Variants in KLF12 observed in about 807,000 individuals in gnomAD.
KLF12 encodes Krueppel-like factor 12.
Under a neutral mutation model 37.8 loss-of-function variants are expected in KLF12, and 9 were observed. The ratio of observed to expected loss-of-function variants is 0.24; its 90% CI spans 0.14 to 0.42. KLF12 has a LOEUF of 0.42. KLF12 is among the 10% of genes least tolerant of loss of function. The probability of loss-of-function intolerance (pLI) is 1.00; values close to 1 mark genes in which losing one functional copy is unlikely to be tolerated. For synonymous variants in KLF12, 208 were observed against 202.1 expected (o/e 1.03, Z -0.25); for missense variants, 411 against 516.0 (o/e 0.80, Z 1.97).
chr13:73,780,291 C>A (rs559640916), intron 5 of KLF12, among the ~76,000 whole-genome samples: 5 of 152,162 alleles, frequency 3.3e-5, no homozygotes, highest in African/African-American at 9.6e-5. Flanking sequence ...TTTGGTTGCA[C>A]GGAAAAGTTC....
the KLF12 span, among the ~76,000 whole-genome samples, chr13:74,235,710 G>C: frequency 1.3e-5 from 2 of 151,992 alleles, no homozygotes; most frequent in South Asian, 4.1e-4. Flanking sequence ...CTCCTTTGAA[G>C]TATGTAAGAC....
chr13:74,225,423 A>C, the KLF12 span, among the ~76,000 whole-genome samples: 5 of 152,202 alleles, frequency 3.3e-5, no homozygotes, highest in Non-Finnish European at 7.4e-5. Flanking sequence ...TATTCCTTGC[A>C]GATAAATCTC....
chr13:73,877,652 T>G (rs1284251896), intron 3 of KLF12, among the ~76,000 whole-genome samples: 2 of 152,224 alleles, frequency 1.3e-5, no homozygotes, highest in African/African-American at 4.8e-5. Flanking sequence ...GTCACCTTCT[T>G]GCTAGTACCT....
chr13:73,816,222 T>A (rs1175785448), intron 4 of KLF12, among the ~76,000 whole-genome samples: 1 of 152,202 alleles, frequency 6.6e-6, no homozygotes, highest in African/African-American at 2.4e-5. Flanking sequence ...TTAACCTCCA[T>A]CAGTCTTTGA....
At position 73,946,459 on chromosome 13, in the gene KLF12, G is replaced by C. The variant is rs1352376415; in HGVS notation, c.34-2389C>G. Among the ~76,000 whole-genome samples, 9 of 152,138 alleles carry C rather than the reference G, an allele frequency of 5.9e-5. No individual in the cohort carries two copies. In the East Asian group the frequency reaches 1.7e-3, roughly 29 times the overall value. On this transcript the variant is annotated intron_variant, in intron 2 of 7. Transcript: ENST00000377669. ...AAATCATAAAAACCTGACTGGGTCT[G>C]TGTTCCACTTAACACATTTAAGTAT...
chr13:74,271,650 C>A, the KLF12 span, among the ~76,000 whole-genome samples: 1 of 152,164 alleles, frequency 6.6e-6, no homozygotes, highest in Non-Finnish European at 1.5e-5. Flanking sequence ...CCAACTATAT[C>A]TATCAGCTAA....
the KLF12 span, among the ~76,000 whole-genome samples, chr13:74,300,024 A>G: frequency 3.3e-5 from 5 of 152,158 alleles, no homozygotes; most frequent in Non-Finnish European, 5.9e-5. Flanking sequence ...CTGTATGTAA[A>G]GAGTATCCCT....
chr13:73,708,995 C>T (rs2137634894), intron 7 of KLF12, among the ~76,000 whole-genome samples: 1 of 152,170 alleles, frequency 6.6e-6, no homozygotes, highest in South Asian at 2.1e-4. Flanking sequence ...TATATTTTTT[C>T]CTTTTTTTGA....
chr13:74,176,252 G>C, the KLF12 span, among the ~76,000 whole-genome samples: 3 of 152,118 alleles, frequency 2.0e-5, no homozygotes, highest in Admixed American at 6.5e-5. Context: ...CTCCATCATT[G>C]TATAAATACT....
chr13:74,124,215 T>C (rs902199563), intron 1 of KLF12, among the ~76,000 whole-genome samples: 1 of 152,228 alleles, frequency 6.6e-6, no homozygotes, highest in Non-Finnish European at 1.5e-5. Flanking sequence ...TTGTGTTTGC[T>C]AAAGTTACTT....
At chr13:74,120,272 C>T (rs1014695583) in intron 1 of KLF12, among the ~76,000 whole-genome samples, 16 of 152,084 alleles carry the variant, frequency 1.1e-4, no homozygotes, top group Admixed American at 5.9e-4. Flanking sequence ...ACCTGAGGTC[C>T]GGAGTTCAAG....
intron 1 of KLF12, among the ~76,000 whole-genome samples, chr13:74,119,089 T>G (rs1195240353): frequency 6.6e-6 from 1 of 152,114 alleles, no homozygotes; most frequent in Non-Finnish European, 1.5e-5. Context: ...ACCCAGTAAC[T>G]TGGGAGGCCA....
chr13:74,076,125 T>C (rs532605872), intron 1 of KLF12, among the ~76,000 whole-genome samples: 1 of 152,300 alleles, frequency 6.6e-6, no homozygotes, highest in East Asian at 1.9e-4. Flanking sequence ...CTGTACATTT[T>C]AAATAGGGGA....
intron 1 of KLF12, among the ~76,000 whole-genome samples, chr13:74,099,127 C>T (rs746673789): frequency 2.0e-4 from 31 of 152,226 alleles, no homozygotes; most frequent in Admixed American, 3.3e-4. Context: ...GCAGGAGGAT[C>T]GCTTGAGGCC....
chr13:73,819,361 T>A (rs1472057949), intron 4 of KLF12, among the ~76,000 whole-genome samples: 1 of 152,168 alleles, frequency 6.6e-6, no homozygotes, highest in Non-Finnish European at 1.5e-5. Context: ...CTTCACTCAT[T>A]CCCTTCTATA....
Position 73,846,071 on chromosome 13 carries a change from T to C in KLF12, c.426A>G (p.Val142=), listed in dbSNP as rs1884998215. ...AGGCCACAAGGGGCCCTGGAGTTAA[T>C]ACTGTTGACGAAGATGACGCTGAAG... is the stretch of plus-strand genomic sequence containing the variant. Residue 142 remains valine, a synonymous_variant, in exon 4 of 8, where the codon GTA becomes GTG. Transcript: ENST00000377669. The C allele has an allele frequency of 6.2e-7, 1 of 1,614,106 alleles. No individual in the cohort carries two copies. Among genetic ancestry groups the C allele is most frequent in the African/African-American group, 1.3e-5 (1 of 75,058 alleles).
intron 7 of KLF12, among the ~76,000 whole-genome samples, chr13:73,701,767 T>G (rs1179283881): frequency 6.6e-6 from 1 of 152,170 alleles, no homozygotes; most frequent in Non-Finnish European, 1.5e-5. Flanking sequence ...TATTAACTTC[T>G]AGGTCTTCAA....
At chr13:73,754,409 G>A (rs1054331726) in intron 6 of KLF12, among the ~76,000 whole-genome samples, 6 of 152,088 alleles carry the variant, frequency 3.9e-5, no homozygotes, top group Admixed American at 6.6e-5. Context: ...TGGTGTGCCC[G>A]GGACCCTTGC....
chr13:74,056,465 C>T (rs1873250938), intron 1 of KLF12, among the ~76,000 whole-genome samples: 1 of 152,150 alleles, frequency 6.6e-6, no homozygotes, highest in Non-Finnish European at 1.5e-5. Flanking sequence ...ATAAGAAATT[C>T]AACTGACACG....
Sources: gnomAD v4.1 joint callset for allele counts (sites outside exome capture counted in the v4.1 genomes callset) on GRCh38, gnomAD v4.1.1 for gene constraint, MANE v1.5 for transcripts, NCBI Gene and HGNC (gene_info 2026-07-23, HGNC 2026-07-21) for gene names.